The following MICU3 variants were observed in gnomAD, a reference collection of about 807,000 sequenced individuals.
MICU3 encodes the protein calcium uptake protein 3, mitochondrial.
MICU3 carries 62 observed loss-of-function variants against 66.5 expected under a neutral mutation model. That is an observed-to-expected ratio of 0.93 (90% CI 0.76 to 1.15). MICU3 has a LOEUF of 1.15. MICU3 is among the 50% of genes most tolerant of loss of function. MICU3 has a pLI of 0.00. For synonymous variants in MICU3, 308 were observed against 240.7 expected (o/e 1.28, Z -2.59); for missense variants, 779 against 664.4 (o/e 1.17, Z -1.90).
chr8:17,119,433 A>G (rs1029687610), intron 14 of MICU3, among the ~76,000 whole-genome samples: 1 of 151,718 alleles, frequency 6.6e-6, no homozygotes, highest in Admixed American at 6.6e-5. Context: ...GTGGGTTTTT[A>G]TTAGTTAGAT....
At chr8:17,084,508 A>G (rs1344390716) in intron 5 of MICU3, among the ~76,000 whole-genome samples, 1 of 152,066 alleles carries the variant, frequency 6.6e-6, no homozygotes, top group Non-Finnish European at 1.5e-5. Context: ...TCATCTCAAA[A>G]GAAAAGATCC....
chr8:17,125,020 C>T (rs921222652), downstream of MICU3, among the ~76,000 whole-genome samples: 3 of 151,980 alleles, frequency 2.0e-5, no homozygotes, highest in African/African-American at 7.2e-5. Context: ...TCATGGCATT[C>T]ATTTCTGGAA....
chr8:17,105,872 C>T (rs963641692), intron 11 of MICU3, among the ~76,000 whole-genome samples: 2 of 152,018 alleles, frequency 1.3e-5, no homozygotes, highest in Admixed American at 1.3e-4. Flanking sequence ...CCACTTAGCT[C>T]TATGCTTTGA....
downstream of MICU3, among the ~76,000 whole-genome samples, chr8:17,124,715 C>T (rs765211919): frequency 2.6e-5 from 4 of 151,660 alleles, no homozygotes; most frequent in Non-Finnish European, 5.9e-5. Flanking sequence ...GCTGAAAACA[C>T]CTTTATTGTA....
At chr8:17,106,037 A>C (rs1801709292) in intron 11 of MICU3, among the ~76,000 whole-genome samples, 1 of 152,176 alleles carries the variant, frequency 6.6e-6, no homozygotes, top group African/African-American at 2.4e-5. Context: ...AAGTTTTTCA[A>C]AGAGTTTGGA....
rs181753071 is a variant in MICU3, at chr8:17,029,905, C to G, written c.381+2245C>G. On this transcript the variant is annotated intron_variant, in intron 1 of 14. Transcript: ENST00000318063. ...TTGAAGTTAAATTTCCTGACAGATC[C>G]TAATCTAATTCTAATCATTCTTATA... Among the ~76,000 whole-genome samples the G allele has an allele frequency of 1.5e-4, 23 of 152,246 alleles. 1 individual carries two copies. In the East Asian group the frequency reaches 3.3e-3, roughly 22 times the overall value.
intron 1 of MICU3, among the ~76,000 whole-genome samples, chr8:17,062,753 GTT>G (rs962105665): frequency 5.9e-5 from 9 of 152,060 alleles, no homozygotes; most frequent in Admixed American, 4.6e-4. Context: ...TGACTAATCA[GTT>G]TCACTCCTAA....
In MICU3 at chr8:17,041,641, T is replaced by A. The variant is rs569235248; in HGVS notation, c.381+13981T>A. 4.2e-4 allele frequency among the ~76,000 whole-genome samples: 63 copies of A among 151,568 alleles called. 1 individual carries two copies. The highest frequency in any genetic ancestry group is 1.4e-3 in the African/African-American group (57 of 41,362). Reference sequence around the variant, plus strand: ...ACCCTCGATCGTGTTTAAATGCTGATGGAAAAAAGAAGATTAAATTTAAAG... The same window carrying A: ...ACCCTCGATCGTGTTTAAATGCTGAAGGAAAAAAGAAGATTAAATTTAAAG... On this transcript the variant is annotated intron_variant, in intron 1 of 14. Coordinates refer to ENST00000318063, the MANE Select transcript of MICU3 (RefSeq NM_181723.3).
the MICU3 span, among the ~76,000 whole-genome samples, chr8:17,129,068 TA>T: frequency 3.3e-5 from 5 of 152,166 alleles, no homozygotes; most frequent in Non-Finnish European, 7.3e-5. Flanking sequence ...GGTCACAGGT[TA>T]GGGGTAAGGC....
At chr8:17,135,771 T>C in the MICU3 span, among the ~76,000 whole-genome samples, 12 of 152,110 alleles carry the variant, frequency 7.9e-5, no homozygotes, top group African/African-American at 2.9e-4. Flanking sequence ...ATCCTTTATT[T>C]CCTGAATTTG....
intron 8 of MICU3, among the ~76,000 whole-genome samples, chr8:17,093,092 A>T (rs1800251199): frequency 6.6e-6 from 1 of 152,028 alleles, no homozygotes; most frequent in Non-Finnish European, 1.5e-5. Flanking sequence ...TGTAAAACTG[A>T]GCATACACCT....
intron 1 of MICU3, among the ~76,000 whole-genome samples, chr8:17,034,370 C>T: frequency 6.6e-6 from 1 of 152,216 alleles, no homozygotes; most frequent in East Asian, 1.9e-4. Context: ...GTTTTTATGT[C>T]TGCTAACACA....
At chr8:17,027,829 C>G (rs1352524932) in intron 1 of MICU3, among the ~76,000 whole-genome samples, 169 bp downstream of exon 1, 1 of 152,164 alleles carries the variant, frequency 6.6e-6, no homozygotes, top group Non-Finnish European at 1.5e-5. Context: ...CGGTCACCCA[C>G]GTATTGGGAA....
At chr8:17,069,948 A>G (rs527758899) in intron 3 of MICU3, among the ~76,000 whole-genome samples, 1 of 151,764 alleles carries the variant, frequency 6.6e-6, no homozygotes, top group South Asian at 2.1e-4. Context: ...GGTAAATCTC[A>G]TGTGTTGGTA....
At chr8:17,131,147 G>A in the MICU3 span, 13 of 152,142 alleles carry the variant, frequency 8.5e-5, no homozygotes, top group African/African-American at 3.1e-4. Context: ...GAAATGATTA[G>A]AATAATGGCA....
In MICU3 at chr8:17,027,245, GCCC is replaced by G. The variant is rs1178928573; in HGVS notation, c.-32_-30del. The G allele has an allele frequency of 5.2e-5, 35 of 667,020 alleles. No homozygotes were observed. Among genetic ancestry groups the G allele is most frequent in the Middle Eastern group, 5.5e-4 (1 of 1,824 alleles). 41.3% of individuals were successfully genotyped at this position (667,020 alleles called of 1,614,324 possible). A position where few individuals can be genotyped will look rare whatever the true frequency, so the allele number is the denominator to read the frequency against. On this transcript the variant is annotated 5_prime_UTR_variant, in exon 1 of 15. Coordinates refer to ENST00000318063, the MANE Select transcript of MICU3 (RefSeq NM_181723.3). Reference sequence around the variant, plus strand: ...CCCCGCCCCCGCCCCTCCGTTCTCTGCCCCCTCCCAGCTCTGGTGTGGGCGGCC... The same window carrying G: ...CCCCGCCCCCGCCCCTCCGTTCTCTGCCTCCCAGCTCTGGTGTGGGCGGCC...
At chr8:17,054,801 C>T (rs1212802958) in intron 1 of MICU3, among the ~76,000 whole-genome samples, 1 of 144,106 alleles carries the variant, frequency 6.9e-6, no homozygotes, top group Non-Finnish European at 1.5e-5. Flanking sequence ...TGCAGTGGCA[C>T]GATGTCAGCT....
At position 17,085,243 on chromosome 8, in the gene MICU3, T is replaced by C. The variant is rs1799348371; in HGVS notation, c.702T>C (p.His234=). ...CTCTGTTTTTTCTGGCAGAGCCACATGCAGGGTTCAGAATAGCTTTCAACA... is the reference window on the plus strand; with the variant it reads ...CTCTGTTTTTTCTGGCAGAGCCACACGCAGGGTTCAGAATAGCTTTCAACA... ...LFLLCILTKP[H]AGFRIAFNMF... The change falls in exon 6 of 15, where the codon CAT becomes CAC. Residue 234 remains histidine, a synonymous_variant. Coordinates refer to ENST00000318063, the MANE Select transcript of MICU3 (RefSeq NM_181723.3). The C allele has an allele frequency of 6.2e-7, 1 of 1,605,566 alleles. No homozygotes were observed. The highest frequency in any genetic ancestry group is 1.1e-5 in the South Asian group (1 of 89,464).
intron 9 of MICU3, 134 bp downstream of exon 9, chr8:17,098,687 C>T: frequency 3.2e-6 from 2 of 630,900 alleles, no homozygotes; most frequent in Non-Finnish European, 5.7e-6. Flanking sequence ...GCAAAAATTA[C>T]TATATATAAA....
Sources: gnomAD v4.1 joint callset for allele counts (sites outside exome capture counted in the v4.1 genomes callset) on GRCh38, gnomAD v4.1.1 for gene constraint, MANE v1.5 for transcripts, NCBI Gene and HGNC (gene_info 2026-07-23, HGNC 2026-07-21) for gene names.